Variants in UNC13C observed in about 807,000 individuals in gnomAD.
UNC13C encodes the protein protein unc-13 homolog C.
A neutral mutation model predicts 245.4 loss-of-function variants in UNC13C; 174 were observed. The ratio of observed to expected loss-of-function variants is 0.71; its 90% CI spans 0.63 to 0.80. The LOEUF (loss-of-function observed/expected upper bound fraction) is 0.80, where lower values mean the gene tolerates loss of function less well. Ranked by LOEUF, UNC13C falls within the 30% of genes least tolerant of loss-of-function variation. The probability of loss-of-function intolerance (pLI) is 0.00; values close to 1 mark genes in which losing one functional copy is unlikely to be tolerated. For missense variants in UNC13C, 2,829 were observed against 2,602.9 expected (o/e 1.09, Z -1.89); for synonymous variants, 992 against 895.1 (o/e 1.11, Z -1.93).
chr15:54,538,153 A>AC (rs1231234699), intron 26 of UNC13C, among the ~76,000 whole-genome samples: 10 of 145,336 alleles, frequency 6.9e-5, no homozygotes, highest in African/African-American at 2.6e-4. Flanking sequence ...AAAAAAAAAA[A>AC]AAAAAAAAAA....
the UNC13C span, among the ~76,000 whole-genome samples, chr15:53,847,522 A>ATTT: frequency 7.9e-5 from 11 of 139,248 alleles, no homozygotes; most frequent in African/African-American, 2.7e-4. Flanking sequence ...ATGCCTGGCT[A>ATTT]TTTTTTTTTT....
intron 2 of UNC13C, chr15:54,050,192 G>C: frequency 2.0e-6 from 1 of 497,154 alleles, no homozygotes; most frequent in South Asian, 1.5e-5. Context: ...GGCTAGTTTT[G>C]AACTCCTGAC....
intron 2 of UNC13C, among the ~76,000 whole-genome samples, chr15:54,052,271 A>G (rs1001513203): frequency 7.6e-6 from 1 of 131,584 alleles, no homozygotes; most frequent in Non-Finnish European, 1.6e-5. Flanking sequence ...CTTTGGGTAT[A>G]TACCCAGTAA....
At chr15:54,079,622 T>C (rs969831100) in intron 2 of UNC13C, among the ~76,000 whole-genome samples, 2 of 152,128 alleles carry the variant, frequency 1.3e-5, no homozygotes, top group Non-Finnish European at 2.9e-5. Context: ...TGAGCACTAT[T>C]GGTGTATGAA....
chr15:54,528,486 C>G (rs970112725), intron 25 of UNC13C, among the ~76,000 whole-genome samples: 4 of 151,948 alleles, frequency 2.6e-5, no homozygotes, highest in Non-Finnish European at 5.9e-5. Flanking sequence ...TTATTCAAAC[C>G]AGTTAATACA....
Position 54,338,403 on chromosome 15 carries a change from A to G in UNC13C, c.4627A>G (p.Lys1543Glu), listed in dbSNP as rs1368063487. 6.2e-7 allele frequency: 1 copy of G among 1,613,462 alleles called. No homozygotes were observed. The highest frequency in any genetic ancestry group is 1.7e-5 in the Admixed American group (1 of 59,984). Reference sequence around the variant, plus strand: ...CCCCCCAAAAGCGAGCATGGTGGTGAAGGACTGTGTAAGGGCTTGCCTGGA... The same window carrying G: ...CCCCCCAAAAGCGAGCATGGTGGTGGAGGACTGTGTAAGGGCTTGCCTGGA... ...QSPPKASMVVKDCVRACLDST... is the reference protein window; with the variant it reads ...QSPPKASMVVEDCVRACLDST... Residue 1543 changes from lysine (K) to glutamate (E), a missense_variant, in exon 17 of 33, where the codon AAG becomes GAG. By Grantham distance (56) the Lys-to-Glu change is moderately conservative. Coordinates refer to ENST00000260323, the MANE Select transcript of UNC13C (RefSeq NM_001080534.3).
At chr15:54,616,123 C>T (rs1282987945) in intron 30 of UNC13C, among the ~76,000 whole-genome samples, 1 of 151,908 alleles carries the variant, frequency 6.6e-6, no homozygotes, top group African/African-American at 2.4e-5. Flanking sequence ...TCTTACTAAC[C>T]TCTCATCAAT....
chr15:53,963,582 A>T, the UNC13C span, among the ~76,000 whole-genome samples: 1 of 152,160 alleles, frequency 6.6e-6, no homozygotes, highest in Non-Finnish European at 1.5e-5. Flanking sequence ...TCTGATAAGT[A>T]TTATCTATCG....
chr15:54,075,737 G>C (rs1312216914), intron 2 of UNC13C, among the ~76,000 whole-genome samples: 1 of 152,020 alleles, frequency 6.6e-6, no homozygotes, highest in East Asian at 1.9e-4. Context: ...GCAACTTATT[G>C]AAAATAACTC....
At chr15:54,620,633 T>C (rs180991872) in intron 30 of UNC13C, among the ~76,000 whole-genome samples, 1 of 152,114 alleles carries the variant, frequency 6.6e-6, no homozygotes, top group African/African-American at 2.4e-5. Context: ...TCCAGCACTT[T>C]GGGAGGCCCA....
upstream of UNC13C, among the ~76,000 whole-genome samples, chr15:53,976,477 C>CTTTTTTTTTTT (rs10682648): frequency 7.5e-3 from 472 of 62,950 alleles, 57 homozygotes; most frequent in African/African-American, 0.012. Context: ...CTCTCTCTCT[C>CTTTTTTTTTTT]TTTTTTTTTT....
At chr15:54,200,319 A>G (rs1332295392) in intron 4 of UNC13C, among the ~76,000 whole-genome samples, 1 of 152,044 alleles carries the variant, frequency 6.6e-6, no homozygotes, top group East Asian at 1.9e-4. Flanking sequence ...ACTATACCCT[A>G]CAACAAATGG....
chr15:54,038,294 G>A (rs1311778232), intron 2 of UNC13C, among the ~76,000 whole-genome samples: 1 of 150,508 alleles, frequency 6.6e-6, no homozygotes, highest in Non-Finnish European at 1.5e-5. Context: ...ACAATGCCTG[G>A]CTAATTTTTG....
chr15:53,883,580 T>G, the UNC13C span, among the ~76,000 whole-genome samples: 2 of 152,222 alleles, frequency 1.3e-5, no homozygotes, highest in African/African-American at 4.8e-5. Flanking sequence ...AATACATAAA[T>G]GACAGAAATG....
chr15:53,906,738 C>G, the UNC13C span, among the ~76,000 whole-genome samples: 1 of 152,214 alleles, frequency 6.6e-6, no homozygotes, highest in East Asian at 1.9e-4. Flanking sequence ...AAGATACTAC[C>G]CGAGATTGGG....
At chr15:54,061,577 C>G (rs187080898) in intron 2 of UNC13C, among the ~76,000 whole-genome samples, 53 of 152,206 alleles carry the variant, frequency 3.5e-4, no homozygotes, top group African/African-American at 1.2e-3. Context: ...TCTTACCTCC[C>G]TTGTCAGCAT....
chr15:54,594,725 G>A (rs1256478169), intron 30 of UNC13C, among the ~76,000 whole-genome samples: 1 of 152,180 alleles, frequency 6.6e-6, no homozygotes, highest in Non-Finnish European at 1.5e-5. Context: ...GGCAAGTTGG[G>A]CTTGAAAACT....
chr15:54,603,932 C>T (rs537176078), intron 30 of UNC13C, among the ~76,000 whole-genome samples: 1 of 151,850 alleles, frequency 6.6e-6, no homozygotes, highest in Middle Eastern at 3.4e-3. Flanking sequence ...TTTTTTTCCT[C>T]CTACCTGACT....
chr15:53,866,199 A>C, the UNC13C span, among the ~76,000 whole-genome samples: 2 of 152,302 alleles, frequency 1.3e-5, no homozygotes, highest in South Asian at 4.1e-4. Flanking sequence ...AATGCTTAGA[A>C]ATATGTGGCA....
Sources: allele counts gnomAD v4.1 joint callset (sites outside exome capture counted in the v4.1 genomes callset), GRCh38; gene constraint gnomAD v4.1.1; transcripts MANE v1.5; gene names NCBI Gene and HGNC (gene_info 2026-07-23, HGNC 2026-07-21).